The following EPB41L3 variants were observed in gnomAD, a reference collection of about 807,000 sequenced individuals.
The protein encoded by EPB41L3 is erythrocyte membrane protein band 4.1 like 3, also known as band 4.1-like protein 3.
Under a neutral mutation model 127.1 loss-of-function variants are expected in EPB41L3, and 57 were observed. The ratio of observed to expected loss-of-function variants is 0.45; its 90% confidence interval spans 0.36 to 0.56. EPB41L3 has a LOEUF of 0.56. EPB41L3 is among the 20% of genes least tolerant of loss of function. The pLI, the probability that EPB41L3 is intolerant of heterozygous loss-of-function variation, is 0.00. For synonymous variants in EPB41L3, 572 were observed against 549.5 expected, an observed-to-expected ratio of 1.04 and a Z score of -0.57; for missense variants, 1,273 against 1,372.2, an observed-to-expected ratio of 0.93 and a Z score of 1.14.
rs2075241906 is a variant in EPB41L3, at chr18:5,405,587, T to C, written c.2349+1190A>G. Among the ~76,000 whole-genome samples the C allele has an allele frequency of 3.3e-5, 5 of 151,988 alleles. No homozygotes were observed. The South Asian group carries it at 1.0e-3, about 32-fold the overall frequency. On this transcript the variant is annotated intron_variant, in intron 16 of 22. Coordinates refer to ENST00000341928, the MANE Select transcript of EPB41L3 (RefSeq NM_012307.5). ...GGTGAATCTTTTGAGGTCAGGAGTT[T>C]GAGATCAGCCTGACCAACATGTTGA...
At chr18:5,445,622 C>A (rs536229426) in intron 3 of EPB41L3, among the ~76,000 whole-genome samples, 2 of 152,240 alleles carry the variant, frequency 1.3e-5, no homozygotes, top group East Asian at 3.9e-4. Flanking sequence ...AACAAACCAA[C>A]AAAAGCCATA....
intron 3 of EPB41L3, among the ~76,000 whole-genome samples, chr18:5,466,903 GA>G (rs1408335219): frequency 2.6e-5 from 4 of 152,198 alleles, no homozygotes; most frequent in African/African-American, 9.7e-5. Flanking sequence ...GGCATGAATT[GA>G]AATGCTAACT....
intron 3 of EPB41L3, among the ~76,000 whole-genome samples, chr18:5,582,335 T>C (rs1369167985): frequency 1.3e-5 from 2 of 151,962 alleles, no homozygotes; most frequent in Admixed American, 6.6e-5. Context: ...CACACAATCC[T>C]CATCTTAGAA....
upstream of EPB41L3, among the ~76,000 whole-genome samples, chr18:5,548,566 ACCC>A (rs2093918572): frequency 6.6e-6 from 1 of 152,198 alleles, no homozygotes; most frequent in Non-Finnish European, 1.5e-5. Flanking sequence ...TTAAAGGTGG[ACCC>A]ATACATAGTA....
At chr18:5,552,822 G>A (rs1263977268) in intron 3 of EPB41L3, among the ~76,000 whole-genome samples, 2 of 152,188 alleles carry the variant, frequency 1.3e-5, no homozygotes, top group Non-Finnish European at 2.9e-5. Flanking sequence ...TAAGGTGCCC[G>A]ACGTTACACA....
intron 15 of EPB41L3, 130 bp downstream of exon 15, chr18:5,407,571 A>G (rs1207181753): frequency 1.5e-5 from 13 of 891,000 alleles, no homozygotes; most frequent in East Asian, 7.7e-5. Flanking sequence ...GCCAACCTAC[A>G]CACTGCACCA....
At chr18:5,561,248 A>C (rs2149208041) in intron 3 of EPB41L3, among the ~76,000 whole-genome samples, 1 of 152,228 alleles carries the variant, frequency 6.6e-6, no homozygotes, top group Admixed American at 6.5e-5. Flanking sequence ...AAGTGCTGGG[A>C]TTATAGGCGT....
intron 3 of EPB41L3, among the ~76,000 whole-genome samples, chr18:5,591,055 T>G (rs2143534359): frequency 6.6e-6 from 1 of 152,152 alleles, no homozygotes; most frequent in Admixed American, 6.5e-5. Context: ...TACTATATTT[T>G]AAAAATAAAA....
chr18:5,567,592 A>G (rs1379261448), intron 3 of EPB41L3, among the ~76,000 whole-genome samples: 1 of 152,086 alleles, frequency 6.6e-6, no homozygotes, highest in Non-Finnish European at 1.5e-5. Flanking sequence ...AGAAAAAGAG[A>G]AAGAAAGGAG....
At chr18:5,541,081 T>A (rs2070850704) in intron 1 of EPB41L3, among the ~76,000 whole-genome samples, 1 of 84,662 alleles carries the variant, frequency 1.2e-5, no homozygotes, top group Non-Finnish European at 2.7e-5. Flanking sequence ...CGAGACTCCG[T>A]CTCAAAAAAA....
intron 3 of EPB41L3, among the ~76,000 whole-genome samples, chr18:5,553,889 GC>G (rs934231996): frequency 1.3e-5 from 2 of 152,136 alleles, no homozygotes; most frequent in African/African-American, 4.8e-5. Context: ...CGTGTTATCT[GC>G]CCTCACCCCA....
chr18:5,618,003 T>C (rs2094817831), intron 1 of EPB41L3, among the ~76,000 whole-genome samples: 1 of 152,206 alleles, frequency 6.6e-6, no homozygotes, highest in African/African-American at 2.4e-5. Context: ...GTAATATTAA[T>C]ACTGCAGTTC....
Position 5,414,013 on chromosome 18 carries a change from C to A in EPB41L3, c.2067+1805G>T, listed in dbSNP as rs555191164. Among the ~76,000 whole-genome samples, 22 of 152,238 alleles carry A rather than the reference C, an allele frequency of 1.4e-4. 1 individual carries two copies. The South Asian group carries it at 4.1e-3, about 29-fold the overall frequency. On this transcript the variant is annotated intron_variant, in intron 13 of 22. Coordinates refer to ENST00000341928, the MANE Select transcript of EPB41L3 (RefSeq NM_012307.5). ...TTAGGCACAAGATCTGTGTGGTTTG[C>A]TATATAAAAGTTGAAATATTTATTT...
In EPB41L3 at chr18:5,433,489, C is replaced by A; in HGVS notation, c.892G>T (p.Val298Leu). ...CATACCTTAGCATGATGTAAATCTACCCCATACATTGATAATTTTTTGGCA... is the reference window on the plus strand; with the variant it reads ...CATACCTTAGCATGATGTAAATCTAACCCATACATTGATAATTTTTTGGCA... The part of the protein sequence containing the change: ...ENAKKLSMYG[V>L]DLHHAKDSEG... The change falls in exon 8 of 23, where the codon GTA becomes TTA. Residue 298 changes from valine to leucine, a missense_variant. Val to Leu is a conservative substitution (Grantham distance 32). Coordinates refer to ENST00000341928, the MANE Select transcript of EPB41L3 (RefSeq NM_012307.5). 6.2e-7 allele frequency: 1 copy of A among 1,613,020 alleles called. No homozygotes were observed.
chr18:5,585,328 T>C (rs77523687), intron 3 of EPB41L3, among the ~76,000 whole-genome samples: 7,139 of 152,144 alleles, frequency 0.047, 238 homozygotes, highest in Middle Eastern at 0.1. Context: ...GGTTGTTGTT[T>C]TTTGTTTTTG....
At chr18:5,426,694 A>C (rs2078230489) in intron 9 of EPB41L3, among the ~76,000 whole-genome samples, 1 of 152,170 alleles carries the variant, frequency 6.6e-6, no homozygotes, top group South Asian at 2.1e-4. Context: ...TCTCATTTGC[A>C]TCATGCTGTT....
intron 9 of EPB41L3, 59 bp from the exon 10 acceptor site, chr18:5,424,418 T>C: frequency 7.3e-7 from 1 of 1,360,798 alleles, no homozygotes; most frequent in Non-Finnish European, 1.0e-6. Context: ...ACAGAAGCCC[T>C]GTAAATAAAT....
At chr18:5,410,887 C>G (rs955688612) in intron 13 of EPB41L3, among the ~76,000 whole-genome samples, 1 of 152,194 alleles carries the variant, frequency 6.6e-6, no homozygotes, top group South Asian at 2.1e-4. Context: ...CTGTCTGGTT[C>G]TATGTCTCAG....
intron 3 of EPB41L3, among the ~76,000 whole-genome samples, chr18:5,474,908 G>A (rs1486679726): frequency 2.6e-5 from 4 of 152,124 alleles, no homozygotes; most frequent in Admixed American, 6.5e-5. Flanking sequence ...CAGGCAGTGC[G>A]TACATCATCA....
Sources: gnomAD v4.1 joint callset for allele counts (sites outside exome capture counted in the v4.1 genomes callset) on GRCh38, gnomAD v4.1.1 for gene constraint, MANE v1.5 for transcripts, NCBI Gene and HGNC (gene_info 2026-07-23, HGNC 2026-07-21) for gene names.